Variants in SGCZ observed in about 807,000 individuals in gnomAD.
SGCZ encodes the protein zeta-sarcoglycan.
SGCZ carries 40 observed loss-of-function variants against 41.3 expected under a neutral mutation model. The ratio of observed to expected loss-of-function variants is 0.97; its 90% CI spans 0.75 to 1.26. SGCZ has a LOEUF of 1.26. SGCZ is among the 50% of genes most tolerant of loss of function. The pLI, the probability that SGCZ is intolerant of heterozygous loss-of-function variation, is 0.00. For synonymous variants in SGCZ, 206 were observed against 137.5 expected (o/e 1.50, Z -3.49); for missense variants, 552 against 369.8 (o/e 1.49, Z -4.04).
chr8:14,528,834 A>AAT (rs1554532901), intron 2 of SGCZ, among the ~76,000 whole-genome samples: 18,883 of 106,270 alleles, frequency 0.18, 1,526 homozygotes, highest in East Asian at 0.29. Context: ...AGCCAAAAAA[A>AAT]AAACAAAACA....
At position 14,090,526 on chromosome 8, in the gene SGCZ, A is replaced by C. The variant is rs878979874; in HGVS notation, c.856T>G (p.Cys286Gly). 1 of 1,613,152 alleles carries C rather than the reference A, an allele frequency of 6.2e-7. No individual in the cohort carries two copies. Among genetic ancestry groups the C allele is most frequent in the Admixed American group, 1.7e-5 (1 of 59,954 alleles). The change falls in exon 8 of 8, where the codon TGC becomes GGC. Residue 286 changes from cysteine (C) to glycine (G), a missense_variant. Coordinates refer to ENST00000382080, the MANE Select transcript of SGCZ (RefSeq NM_139167.4). The stretch of plus-strand genomic sequence containing the variant: ...GAAAGGTAAAGTTTGCCATTGGGGC[A>C]GACGCAGAGTTCATACACTGTCTGT... ...SRQTVYELCV[C>G]PNGKLYLSPA...
chr8:14,171,345 C>G (rs1330557393), intron 4 of SGCZ, among the ~76,000 whole-genome samples: 5 of 151,916 alleles, frequency 3.3e-5, no homozygotes, highest in African/African-American at 1.2e-4. Flanking sequence ...TCATGTTGCA[C>G]TTTAAACACA....
intron 1 of SGCZ, among the ~76,000 whole-genome samples, chr8:15,121,021 T>A (rs1807458018): frequency 6.6e-6 from 1 of 152,220 alleles, no homozygotes; most frequent in Non-Finnish European, 1.5e-5. Flanking sequence ...ATTGGATAAG[T>A]GAGCCAACAG....
chr8:14,904,349 T>C (rs1376769122), intron 1 of SGCZ, among the ~76,000 whole-genome samples: 1 of 152,058 alleles, frequency 6.6e-6, no homozygotes, highest in African/African-American at 2.4e-5. Context: ...ATGTAATTCC[T>C]AAACATCTCA....
At chr8:14,153,067 C>G (rs1042316174) in intron 5 of SGCZ, among the ~76,000 whole-genome samples, 6 of 151,926 alleles carry the variant, frequency 3.9e-5, no homozygotes, top group Non-Finnish European at 8.8e-5. Flanking sequence ...CAAGGGATGC[C>G]CACAGTGATG....
At chr8:14,534,219 G>T (rs145476103) in intron 2 of SGCZ, among the ~76,000 whole-genome samples, 131 of 152,048 alleles carry the variant, frequency 8.6e-4, no homozygotes, top group African/African-American at 2.9e-3. Flanking sequence ...GAAATATGAA[G>T]GAGAAGAGAA....
intron 2 of SGCZ, among the ~76,000 whole-genome samples, chr8:14,554,143 G>A (rs1409118090): frequency 6.6e-6 from 1 of 151,982 alleles, no homozygotes; most frequent in African/African-American, 2.4e-5. Context: ...TTTTATAAAA[G>A]AGTGATTTAA....
intron 1 of SGCZ, among the ~76,000 whole-genome samples, chr8:15,169,231 G>C (rs932293764): frequency 2.6e-5 from 4 of 152,126 alleles, no homozygotes; most frequent in African/African-American, 7.2e-5. Context: ...CCTAATCTAA[G>C]GGCAGTTAGA....
chr8:14,747,921 T>C (rs1301389335), intron 1 of SGCZ, among the ~76,000 whole-genome samples: 1 of 150,548 alleles, frequency 6.6e-6, no homozygotes, highest in African/African-American at 2.4e-5. Context: ...GAACAGAGTT[T>C]CGCCATGTTG....
At chr8:14,307,471 C>A (rs1458051458) in intron 3 of SGCZ, among the ~76,000 whole-genome samples, 3 of 152,088 alleles carry the variant, frequency 2.0e-5, no homozygotes, top group Non-Finnish European at 4.4e-5. Context: ...TCCAGTTTTT[C>A]TCTCCCTCTC....
At chr8:14,706,603 C>G (rs1013486583) in intron 1 of SGCZ, among the ~76,000 whole-genome samples, 1 of 152,090 alleles carries the variant, frequency 6.6e-6, no homozygotes, top group Non-Finnish European at 1.5e-5. Flanking sequence ...AGCTCTAACT[C>G]TTTAATTATA....
At chr8:14,550,593 T>C (rs1438351447) in intron 2 of SGCZ, among the ~76,000 whole-genome samples, 1 of 151,936 alleles carries the variant, frequency 6.6e-6, no homozygotes, top group African/African-American at 2.4e-5. Flanking sequence ...TTATGAACCT[T>C]GGTGTTCAGA....
intron 1 of SGCZ, among the ~76,000 whole-genome samples, chr8:14,660,696 T>C (rs1479034459): frequency 1.3e-5 from 2 of 151,296 alleles, no homozygotes; most frequent in Non-Finnish European, 2.9e-5. Context: ...GAGAGACCAG[T>C]GAAATAATAT....
At chr8:14,611,114 T>C (rs1031795483) in intron 1 of SGCZ, among the ~76,000 whole-genome samples, 19 of 152,208 alleles carry the variant, frequency 1.2e-4, no homozygotes, top group African/African-American at 4.1e-4. Flanking sequence ...TAGAATTATC[T>C]AAAATGTCTA....
intron 1 of SGCZ, among the ~76,000 whole-genome samples, chr8:14,646,431 T>C (rs973060406): frequency 2.0e-5 from 3 of 147,982 alleles, no homozygotes; most frequent in African/African-American, 7.3e-5. Flanking sequence ...ATGTACTACA[T>C]TTTCATTATC....
chr8:15,030,404 C>T (rs896765716), intron 1 of SGCZ, among the ~76,000 whole-genome samples: 2 of 151,940 alleles, frequency 1.3e-5, no homozygotes, highest in Non-Finnish European at 1.5e-5. Context: ...TTTTTACTAA[C>T]TATGTAATAA....
At chr8:15,159,796 G>A (rs1401906168) in intron 1 of SGCZ, among the ~76,000 whole-genome samples, 1 of 127,288 alleles carries the variant, frequency 7.9e-6, no homozygotes, top group Non-Finnish European at 1.6e-5. Context: ...CAGCTTAATG[G>A]CAGATAATTT....
rs202033180 is a variant in SGCZ at position 14,102,473 on chromosome 8, A to T, written c.647T>A (p.Ile216Asn). Residue 216 changes from isoleucine (I) to asparagine (N), a missense_variant, in exon 7 of 8, where the codon ATC becomes AAC. Ile to Asn is a moderately radical substitution (Grantham distance 149, BLOSUM62 -3). Transcript: ENST00000382080. Reference protein sequence around the residue: ...LRLESPTRSLIMEAPRGVQVS... With the variant: ...LRLESPTRSLNMEAPRGVQVS... ...CTGGACCCCACGGGGAGCTTCCATG[A>T]TCAAGGATCTGGTGGGTGATTCAAG... The T allele has an allele frequency of 6.7e-7, 1 of 1,488,692 alleles. No individual in the cohort carries two copies. The highest frequency in any genetic ancestry group is 2.5e-5 in the East Asian group (1 of 40,750). 92.2% of individuals were successfully genotyped at this position (1,488,692 alleles called of 1,614,324 possible).
At chr8:14,439,301 GAAGA>G (rs1800178793) in intron 2 of SGCZ, among the ~76,000 whole-genome samples, 1 of 116,190 alleles carries the variant, frequency 8.6e-6, no homozygotes, top group African/African-American at 3.0e-5. Flanking sequence ...AAAATATATA[GAAGA>G]AAGAAATATA....
Sources: allele counts gnomAD v4.1 joint callset (sites outside exome capture counted in the v4.1 genomes callset), GRCh38; gene constraint gnomAD v4.1.1; transcripts MANE v1.5; gene names NCBI Gene and HGNC (gene_info 2026-07-23, HGNC 2026-07-21).